NCMAP: variants seen among roughly 807,000 people sequenced by gnomAD.
NCMAP encodes noncompact myelin-associated protein.
NCMAP carries 8 observed loss-of-function variants against 7.8 expected under a neutral mutation model. The observed-to-expected ratio is 1.02, with a 90% confidence interval of 0.60 to 1.84. The LOEUF (loss-of-function observed/expected upper bound fraction) is 1.84, where lower values mean the gene tolerates loss of function less well. Among genes scored for constraint, NCMAP ranks in the 40% most tolerant of loss-of-function variants. NCMAP has a pLI of 0.00. For synonymous variants in NCMAP, 41 were observed against 52.9 expected (o/e 0.78, Z 0.98); for missense variants, 112 against 131.4 (o/e 0.85, Z 0.72).
chr1:24,567,921 GGTGGGGTAGGAGA>G (rs1275606868), intron 1 of NCMAP, among the ~76,000 whole-genome samples: 4 of 152,142 alleles, frequency 2.6e-5, no homozygotes, highest in Non-Finnish European at 5.9e-5. Context: ...TTGAACACCA[GGTGGGGTAGGAGA>G]GTGGGCTTGA....
At chr1:24,595,625 C>G in intron 2 of NCMAP, 113 bp downstream of exon 2, 3 of 720,420 alleles carry the variant, frequency 4.2e-6, no homozygotes, top group Non-Finnish European at 7.0e-6. Context: ...GGTCTCAGGC[C>G]CAGTTCTGCC....
intron 1 of NCMAP, among the ~76,000 whole-genome samples, chr1:24,582,557 G>A (rs960461413): frequency 1.3e-5 from 2 of 152,162 alleles, no homozygotes; most frequent in African/African-American, 2.4e-5. Flanking sequence ...AGCGAGGTAA[G>A]ACGATGCTAC....
intron 1 of NCMAP, among the ~76,000 whole-genome samples, chr1:24,588,184 C>T (rs1290806294): frequency 2.0e-5 from 3 of 152,028 alleles, no homozygotes; most frequent in South Asian, 2.1e-4. Context: ...TGGGCTCAAG[C>T]GAATCTCCCA....
At position 24,579,648 on chromosome 1, in the gene NCMAP, G is replaced by T. The variant is rs147160944; in HGVS notation, c.-7-15776G>T. 7.5e-3 allele frequency among the ~76,000 whole-genome samples: 1,148 copies of T among 152,248 alleles called. 19 individuals carry two copies. The highest frequency in any genetic ancestry group is 0.026 in the African/African-American group (1,078 of 41,538). On this transcript the variant is annotated intron_variant, in intron 1 of 3. Coordinates refer to ENST00000374392, the MANE Select transcript of NCMAP (RefSeq NM_001010980.5). ...CCAGCTGCTCAGGAGGCTGCACTTAGGTCCAGGAATTCAAGGCTGCAGTGA... is the reference window on the plus strand; with the variant it reads ...CCAGCTGCTCAGGAGGCTGCACTTATGTCCAGGAATTCAAGGCTGCAGTGA...
chr1:24,604,619 T>A (rs1238414111), intron 3 of NCMAP, among the ~76,000 whole-genome samples: 3 of 32,284 alleles, frequency 9.3e-5, no homozygotes, highest in African/African-American at 4.6e-4. Context: ...TATATATATA[T>A]ATATATATAT....
At chr1:24,589,622 C>G (rs1570531989) in intron 1 of NCMAP, 1 of 152,752 alleles carries the variant, frequency 6.5e-6, no homozygotes, top group Non-Finnish European at 1.5e-5. Context: ...GGCTGCATTA[C>G]TGGTCAGTGT....
At chr1:24,592,852 G>A (rs1218702081) in intron 1 of NCMAP, among the ~76,000 whole-genome samples, 1 of 152,130 alleles carries the variant, frequency 6.6e-6, no homozygotes, top group African/African-American at 2.4e-5. Context: ...CCGGGAGGCG[G>A]AGCTTGCAGT....
chr1:24,584,846 A>G (rs1371119176), intron 1 of NCMAP, among the ~76,000 whole-genome samples: 1 of 151,716 alleles, frequency 6.6e-6, no homozygotes, highest in Non-Finnish European at 1.5e-5. Context: ...TCTTTGGTTT[A>G]AAACAGACCC....
intron 1 of NCMAP, among the ~76,000 whole-genome samples, chr1:24,567,609 G>A (rs1434233616): frequency 6.6e-6 from 1 of 152,176 alleles, no homozygotes; most frequent in Non-Finnish European, 1.5e-5. Context: ...GAAGGAACTA[G>A]AGAGGAGTCG....
chr1:24,605,921 A>T lies in NCMAP; in HGVS notation c.*174A>T. The T allele has an allele frequency of 1.4e-6, 1 of 711,300 alleles. No homozygotes were observed. Among genetic ancestry groups the T allele is most frequent in the Non-Finnish European group, 2.2e-6 (1 of 446,964 alleles). 44.1% of individuals were successfully genotyped at this position (711,300 alleles called of 1,614,324 possible). ...TCCTCAACCTTGTCTGCCCTGCCCT[A>T]CCCCAACTGTGTCCACATCCCTGCC... On this transcript the variant is annotated 3_prime_UTR_variant, in exon 4 of 4. Transcript: ENST00000374392.
At chr1:24,596,619 G>A (rs1570536896) in intron 2 of NCMAP, among the ~76,000 whole-genome samples, 1 of 152,270 alleles carries the variant, frequency 6.6e-6, no homozygotes, top group East Asian at 1.9e-4. Context: ...CTGGGAGGTC[G>A]AGGCTGTGGT....
intron 1 of NCMAP, among the ~76,000 whole-genome samples, chr1:24,588,583 C>T (rs767288748): frequency 1.1e-4 from 16 of 152,154 alleles, no homozygotes; most frequent in African/African-American, 2.7e-4. Flanking sequence ...AGTCTGACAG[C>T]GTTTATCTTC....
chr1:24,595,794 C>CTTTTTT (rs34640170), intron 2 of NCMAP, among the ~76,000 whole-genome samples: 5 of 119,490 alleles, frequency 4.2e-5, no homozygotes, highest in Non-Finnish European at 3.4e-5. Flanking sequence ...TGGACTGTGT[C>CTTTTTT]TTTTTTTTTT....
In NCMAP at chr1:24,559,747, C is replaced by A. The variant is rs181619385; in HGVS notation, c.-8+3578C>A. On this transcript the variant is annotated intron_variant, in intron 1 of 3. Transcript: ENST00000374392. Reference sequence around the variant, plus strand: ...TGGAGGGCTTTGCTCCAAGTAACAGCCCCGAGGAGGCAGAGATGAGCAGGG... The same window carrying A: ...TGGAGGGCTTTGCTCCAAGTAACAGACCCGAGGAGGCAGAGATGAGCAGGG... Among the ~76,000 whole-genome samples, 635 of 152,312 alleles carry A rather than the reference C, an allele frequency of 4.2e-3. 6 individuals carry two copies. The highest frequency in any genetic ancestry group is 0.014 in the African/African-American group (588 of 41,572).
chr1:24,578,567 T>C (rs1454573894), intron 1 of NCMAP, among the ~76,000 whole-genome samples: 2 of 146,456 alleles, frequency 1.4e-5, no homozygotes, highest in Non-Finnish European at 3.0e-5. Context: ...TTTCTTTTTT[T>C]TTTTTTTTTT....
In NCMAP at chr1:24,574,308, G is replaced by A. The variant is rs538824077; in HGVS notation, c.-8+18139G>A. On this transcript the variant is annotated intron_variant, in intron 1 of 3. Coordinates refer to ENST00000374392, the MANE Select transcript of NCMAP (RefSeq NM_001010980.5). ...TAATTTTTGTACTTTTAGTAGAGAC[G>A]GGGTTTCACCATGTTGGCCAGGCTG... Among the ~76,000 whole-genome samples the A allele has an allele frequency of 3.7e-4, 56 of 150,874 alleles. 3 individuals carry two copies. The highest frequency in any genetic ancestry group is 3.4e-3 in the Middle Eastern group (1 of 294).
intron 2 of NCMAP, among the ~76,000 whole-genome samples, chr1:24,600,309 C>A (rs111314093): frequency 0.017 from 2,513 of 151,942 alleles, 73 homozygotes; most frequent in African/African-American, 0.057. Flanking sequence ...TGCCACCACA[C>A]CTGGCTAATT....
At chr1:24,564,819 G>A (rs1651173567) in intron 1 of NCMAP, among the ~76,000 whole-genome samples, 1 of 152,048 alleles carries the variant, frequency 6.6e-6, no homozygotes, top group African/African-American at 2.4e-5. Flanking sequence ...CAAGAACTGG[G>A]TTGGCATTAT....
At chr1:24,603,188 G>A (rs1299268933) in intron 3 of NCMAP, among the ~76,000 whole-genome samples, 1 of 151,962 alleles carries the variant, frequency 6.6e-6, no homozygotes, top group African/African-American at 2.4e-5. Context: ...ACCGCACGAG[G>A]TGGGTACTAC....
Sources: gnomAD v4.1 joint callset for allele counts (sites outside exome capture counted in the v4.1 genomes callset) on GRCh38, gnomAD v4.1.1 for gene constraint, MANE v1.5 for transcripts, NCBI Gene and HGNC (gene_info 2026-07-23, HGNC 2026-07-21) for gene names.